The following CCDC192 variants were observed in gnomAD, a reference collection of about 807,000 sequenced individuals.
CCDC192 encodes coiled-coil domain-containing protein 192.
chr5:127,883,879 A>G (rs539077284), intron 6 of CCDC192, among the ~76,000 whole-genome samples: 1 of 152,298 alleles, frequency 6.6e-6, no homozygotes, highest in African/African-American at 2.4e-5. Flanking sequence ...AAAGGGATGT[A>G]TGAGCCGCTC....
At chr5:127,710,943 C>T (rs187596566) in intron 2 of CCDC192, among the ~76,000 whole-genome samples, 1 of 152,122 alleles carries the variant, frequency 6.6e-6, no homozygotes, top group Non-Finnish European at 1.5e-5. Context: ...ATTCTTTGGG[C>T]CTGCTGGAGA....
intron 3 of CCDC192, among the ~76,000 whole-genome samples, chr5:127,796,797 A>G (rs1363541585): frequency 6.6e-6 from 1 of 152,228 alleles, no homozygotes; most frequent in African/African-American, 2.4e-5. Flanking sequence ...CAATCTTGAA[A>G]CACAGTGAAG....
rs1302372547 is a variant in CCDC192, at chr5:127,785,143, G to A, written c.223-11960G>A. ...CGTCTGGAATGTGGATGCCTGCAAAGTATATCTGTTTGTAAAGCAGTTAGT... is the reference window on the plus strand; with the variant it reads ...CGTCTGGAATGTGGATGCCTGCAAAATATATCTGTTTGTAAAGCAGTTAGT... On this transcript the variant is annotated intron_variant, in intron 3 of 6. Coordinates refer to ENST00000514853, the MANE Select transcript of CCDC192 (RefSeq NM_001317938.2). 5.7e-6 allele frequency: 3 copies of A among 524,646 alleles called. No homozygotes were observed. In the African/African-American group the frequency reaches 5.8e-5, roughly 10 times the overall value. The allele number at this position is 524,646 out of a possible 1,614,324, so 32.5% of individuals were successfully genotyped here.
chr5:127,842,869 G>A (rs1750349402), intron 5 of CCDC192, among the ~76,000 whole-genome samples: 1 of 152,198 alleles, frequency 6.6e-6, no homozygotes, highest in South Asian at 2.1e-4. Context: ...AATGGAAATA[G>A]AGACTGTCAC....
At chr5:127,776,778 A>G (rs1755888446) in intron 3 of CCDC192, among the ~76,000 whole-genome samples, 1 of 152,212 alleles carries the variant, frequency 6.6e-6, no homozygotes, top group Non-Finnish European at 1.5e-5. Flanking sequence ...GCCAAGGTAC[A>G]GTTCAGGCTG....
chr5:127,766,678 G>GTCA (rs1409593259), intron 3 of CCDC192, among the ~76,000 whole-genome samples: 1 of 143,650 alleles, frequency 7.0e-6, no homozygotes, highest in East Asian at 2.2e-4. Flanking sequence ...CCTCAAATAT[G>GTCA]TTGTCTCAGG....
At chr5:127,877,207 A>G (rs1410092374) in intron 6 of CCDC192, among the ~76,000 whole-genome samples, 1 of 152,178 alleles carries the variant, frequency 6.6e-6, no homozygotes, top group Non-Finnish European at 1.5e-5. Context: ...AATATTATTT[A>G]CTGTATAATG....
At chr5:127,834,322 G>A (rs1749938056) in intron 5 of CCDC192, among the ~76,000 whole-genome samples, 1 of 152,070 alleles carries the variant, frequency 6.6e-6, no homozygotes, top group South Asian at 2.1e-4. Flanking sequence ...TTGTTCTTTT[G>A]TTAAACTATA....
chr5:127,702,308 G>A (rs1364227381), upstream of CCDC192, among the ~76,000 whole-genome samples: 2 of 152,144 alleles, frequency 1.3e-5, no homozygotes, highest in Non-Finnish European at 2.9e-5. Context: ...GAGGTAAGAT[G>A]ATTTCTGATC....
intron 3 of CCDC192, among the ~76,000 whole-genome samples, chr5:127,782,971 C>T (rs995140029): frequency 6.7e-5 from 10 of 149,758 alleles, no homozygotes; most frequent in African/African-American, 1.5e-4. Flanking sequence ...CTCCTAGCAT[C>T]GCCTTTGCTG....
At chr5:127,794,834 T>C (rs1044532593) in intron 3 of CCDC192, among the ~76,000 whole-genome samples, 19 of 152,036 alleles carry the variant, frequency 1.2e-4, no homozygotes, top group African/African-American at 4.1e-4. Context: ...TGGGCCCAAC[T>C]GAGAGAGATT....
intron 2 of CCDC192, among the ~76,000 whole-genome samples, chr5:127,735,415 T>C (rs1752915750): frequency 6.7e-6 from 1 of 148,934 alleles, no homozygotes; most frequent in East Asian, 1.9e-4. Context: ...ATGTGGGCTC[T>C]TTTTTGGTTC....
chr5:127,708,766 C>T (rs1044418519), intron 2 of CCDC192, among the ~76,000 whole-genome samples: 1 of 152,118 alleles, frequency 6.6e-6, no homozygotes, highest in Non-Finnish European at 1.5e-5. Flanking sequence ...TGTACAGGAG[C>T]ATGGTTATTC....
At chr5:127,851,523 T>A (rs1750796624) in intron 5 of CCDC192, among the ~76,000 whole-genome samples, 1 of 152,198 alleles carries the variant, frequency 6.6e-6, no homozygotes, top group Non-Finnish European at 1.5e-5. Context: ...AGTGGCATGA[T>A]CTCAGCTCAC....
intron 4 of CCDC192, among the ~76,000 whole-genome samples, chr5:127,797,465 AT>A (rs1429185999): frequency 6.6e-6 from 1 of 152,016 alleles, no homozygotes; most frequent in African/African-American, 2.4e-5. Flanking sequence ...AACCCTTTGA[AT>A]AACATTAGCT....
At chr5:127,736,572 G>T (rs1180946152) in intron 2 of CCDC192, among the ~76,000 whole-genome samples, 1 of 151,846 alleles carries the variant, frequency 6.6e-6, no homozygotes, top group Non-Finnish European at 1.5e-5. Flanking sequence ...ACTCTTTTTG[G>T]TTGGTAAGCT....
chr5:127,786,654 A>G (rs1756557420), intron 3 of CCDC192: 1 of 761,126 alleles, frequency 1.3e-6, no homozygotes, highest in Non-Finnish European at 2.5e-6. Flanking sequence ...TCCATTCAGC[A>G]CTTTGCTTGA....
chr5:127,845,021 C>T (rs990267723), intron 5 of CCDC192, among the ~76,000 whole-genome samples: 4 of 152,120 alleles, frequency 2.6e-5, no homozygotes, highest in African/African-American at 9.7e-5. Context: ...AGTCTCTGTT[C>T]TTAAGAAGGG....
intron 5 of CCDC192, among the ~76,000 whole-genome samples, chr5:127,829,596 T>G (rs1749691435): frequency 6.6e-6 from 1 of 152,182 alleles, no homozygotes. Context: ...AGTTTTAATA[T>G]ACAAAAAATG....
Sources: gnomAD v4.1 joint callset for allele counts (sites outside exome capture counted in the v4.1 genomes callset) on GRCh38, gnomAD v4.1.1 for gene constraint, MANE v1.5 for transcripts, NCBI Gene and HGNC (gene_info 2026-07-23, HGNC 2026-07-21) for gene names.